Variants in COL13A1 observed in about 807,000 individuals in gnomAD.
COL13A1 encodes the protein collagen type XIII alpha 1 chain.
Under a neutral mutation model 130.9 loss-of-function variants are expected in COL13A1, and 89 were observed. That is an observed-to-expected ratio of 0.68 (90% CI 0.57 to 0.81). COL13A1 has a LOEUF of 0.81. Among genes scored for constraint, COL13A1 ranks in the 30% least tolerant of loss-of-function variants. The probability of loss-of-function intolerance (pLI) is 0.00; values close to 1 mark genes in which losing one functional copy is unlikely to be tolerated. For missense variants in COL13A1, 879 were observed against 934.6 expected (o/e 0.94, Z 0.78); for synonymous variants, 402 against 341.6 (o/e 1.18, Z -1.95).
intron 2 of COL13A1, among the ~76,000 whole-genome samples, chr10:69,833,764 A>C (rs560161064): frequency 6.6e-6 from 1 of 152,130 alleles, no homozygotes; most frequent in Non-Finnish European, 1.5e-5. Context: ...ACACACCCCC[A>C]CACCCCACAC....
In COL13A1 at chr10:69,928,948, T is replaced by C. The variant is rs771957957; in HGVS notation, c.1434T>C (p.Gly478=). ...CCTTTCTCTCCTAGGGGCCTCCTGG[T>C]CTTCCTGGGCAAATTGGCCCACCTG... is the stretch of plus-strand genomic sequence containing the variant. The part of the protein sequence containing the change: ...IRTLALMGPP[G]LPGQIGPPGA... Residue 478 remains glycine, a synonymous_variant, in exon 28 of 41, where the codon GGT becomes GGC. Coordinates refer to ENST00000645393, the MANE Select transcript of COL13A1 (RefSeq NM_001368882.1). 5.0e-5 allele frequency: 81 copies of C among 1,613,240 alleles called. No individual in the cohort carries two copies. The highest frequency in any genetic ancestry group is 6.6e-5 in the Non-Finnish European group (78 of 1,179,526).
At chr10:69,821,801 G>A (rs1266911672) in intron 1 of COL13A1, among the ~76,000 whole-genome samples, 6 of 152,206 alleles carry the variant, frequency 3.9e-5, no homozygotes, top group African/African-American at 1.4e-4. Flanking sequence ...GAGGGTCGGG[G>A]TGTTCTACCT....
At chr10:69,819,853 A>C (rs1305697812) in intron 1 of COL13A1, among the ~76,000 whole-genome samples, 3 of 151,936 alleles carry the variant, frequency 2.0e-5, no homozygotes, top group Non-Finnish European at 4.4e-5. Context: ...TGCCCCCCAC[A>C]TTCCTATCCC....
chr10:69,932,911 C>T (rs965046273), intron 31 of COL13A1, among the ~76,000 whole-genome samples: 2 of 151,784 alleles, frequency 1.3e-5, no homozygotes, highest in Non-Finnish European at 2.9e-5. Context: ...CTGAGGCAGG[C>T]GGATCACCTG....
chr10:69,926,515 G>T (rs1338907474), intron 26 of COL13A1, among the ~76,000 whole-genome samples: 1 of 152,230 alleles, frequency 6.6e-6, no homozygotes, highest in African/African-American at 2.4e-5. Context: ...TCCCTTGGGG[G>T]AAGAAATTGC....
chr10:69,855,776 G>GC (rs1321031342), intron 2 of COL13A1, among the ~76,000 whole-genome samples: 5 of 20,160 alleles, frequency 2.5e-4, no homozygotes, highest in East Asian at 7.0e-3. Context: ...CCCAGTAGAA[G>GC]GGGGGAGGGA....
intron 24 of COL13A1, 33 bp from the exon 25 acceptor site, chr10:69,924,930 T>C: frequency 6.4e-7 from 1 of 1,561,158 alleles, no homozygotes; most frequent in Non-Finnish European, 8.7e-7. Context: ...ACCAACTTTA[T>C]CCCCACTTTG....
intron 17 of COL13A1, among the ~76,000 whole-genome samples, chr10:69,910,812 T>C (rs752704828): frequency 6.6e-6 from 1 of 152,208 alleles, no homozygotes; most frequent in African/African-American, 2.4e-5. Context: ...TGTGTGTGGA[T>C]CACAAAACCT....
intron 19 of COL13A1, 56 bp downstream of exon 19, chr10:69,918,373 G>C (rs2064203159): frequency 6.3e-7 from 1 of 1,579,700 alleles, no homozygotes; most frequent in Admixed American, 1.7e-5. Flanking sequence ...GAAGAGAGCG[G>C]GCAGAGCTGG....
intron 15 of COL13A1, among the ~76,000 whole-genome samples, chr10:69,904,227 C>T (rs2062495263): frequency 1.3e-5 from 2 of 152,128 alleles, no homozygotes; most frequent in African/African-American, 4.8e-5. Context: ...CCACCCCCCT[C>T]CTAACACTTG....
At chr10:69,884,887 A>G (rs147922194) in intron 7 of COL13A1, among the ~76,000 whole-genome samples, 2 of 152,364 alleles carry the variant, frequency 1.3e-5, no homozygotes, top group African/African-American at 2.4e-5. Flanking sequence ...GCATGTGTCA[A>G]TCTGGTACAT....
chr10:69,953,954 C>T (rs1417228259), intron 39 of COL13A1: 1 of 153,104 alleles, frequency 6.5e-6, no homozygotes, highest in Non-Finnish European at 1.5e-5. Context: ...ACAGGGACAC[C>T]GAGGTTTTAA....
chr10:69,843,257 A>T (rs1423508302), intron 2 of COL13A1, among the ~76,000 whole-genome samples: 1 of 152,072 alleles, frequency 6.6e-6, no homozygotes, highest in African/African-American at 2.4e-5. Flanking sequence ...CCCTCAACCC[A>T]CGGCCTAGGA....
chr10:69,852,576 C>G (rs1044569078), intron 2 of COL13A1, among the ~76,000 whole-genome samples: 1 of 152,336 alleles, frequency 6.6e-6, no homozygotes, highest in East Asian at 1.9e-4. Flanking sequence ...AGTACGTGGC[C>G]CTTGACTGCC....
chr10:69,888,352 C>T, intron 9 of COL13A1, 22 bp downstream of exon 9: 1 of 1,610,796 alleles, frequency 6.2e-7, no homozygotes, highest in Non-Finnish European at 8.5e-7. Flanking sequence ...CGCTCTCTCC[C>T]CTCACTGCAG....
chr10:69,952,544 G>T (rs1424769206), intron 38 of COL13A1, among the ~76,000 whole-genome samples: 1 of 152,196 alleles, frequency 6.6e-6, no homozygotes. Flanking sequence ...GAAGGAAGTT[G>T]GTCCCTAGCC....
At chr10:69,809,586 C>T (rs1424603369) in intron 1 of COL13A1, among the ~76,000 whole-genome samples, 1 of 152,194 alleles carries the variant, frequency 6.6e-6, no homozygotes, top group African/African-American at 2.4e-5. Flanking sequence ...GGCAGTGTGG[C>T]CCAGAGCTGG....
chr10:69,849,911 G>A (rs1044084979), intron 2 of COL13A1, among the ~76,000 whole-genome samples: 17 of 152,240 alleles, frequency 1.1e-4, no homozygotes, highest in Non-Finnish European at 2.2e-4. Flanking sequence ...TAAGGTCAGA[G>A]GTCAGGAGAG....
intron 2 of COL13A1, among the ~76,000 whole-genome samples, chr10:69,838,500 C>A (rs781652455): frequency 6.6e-6 from 1 of 152,206 alleles, no homozygotes; most frequent in Non-Finnish European, 1.5e-5. Flanking sequence ...TGGTACAGTA[C>A]CTGGCATGGG....
Sources: gnomAD v4.1 joint callset for allele counts (sites outside exome capture counted in the v4.1 genomes callset) on GRCh38, gnomAD v4.1.1 for gene constraint, MANE v1.5 for transcripts, NCBI Gene and HGNC (gene_info 2026-07-23, HGNC 2026-07-21) for gene names.